Variants in KCNU1 observed in about 807,000 individuals in gnomAD.
The protein encoded by KCNU1 is potassium channel subfamily U member 1.
Under a neutral mutation model 126.8 loss-of-function variants are expected in KCNU1, and 93 were observed. The ratio of observed to expected loss-of-function variants is 0.73; its 90% CI spans 0.62 to 0.87. The LOEUF (loss-of-function observed/expected upper bound fraction) is 0.87, where lower values mean the gene tolerates loss of function less well. KCNU1 is among the 40% of genes least tolerant of loss of function. The probability of loss-of-function intolerance (pLI) is 0.00; values close to 1 mark genes in which losing one functional copy is unlikely to be tolerated. For synonymous variants in KCNU1, 523 were observed against 494.2 expected (o/e 1.06, Z -0.77); for missense variants, 1,330 against 1,367.1 (o/e 0.97, Z 0.43).
chr8:36,893,156 T>G (rs1000553970), intron 19 of KCNU1, among the ~76,000 whole-genome samples: 3 of 146,492 alleles, frequency 2.0e-5, no homozygotes, highest in Non-Finnish European at 4.5e-5. Flanking sequence ...TTTTTTTTTG[T>G]AAAGATGAGG....
At chr8:36,910,361 A>T (rs531916906) in intron 21 of KCNU1, among the ~76,000 whole-genome samples, 9 of 152,284 alleles carry the variant, frequency 5.9e-5, no homozygotes, top group Non-Finnish European at 1.0e-4. Flanking sequence ...GCTTAAGTCC[A>T]TTGAAAGGAA....
At chr8:36,893,091 A>G (rs1807034855) in intron 19 of KCNU1, among the ~76,000 whole-genome samples, 1 of 151,866 alleles carries the variant, frequency 6.6e-6, no homozygotes, top group Admixed American at 6.6e-5. Context: ...CCTCTCAAGT[A>G]GCTGTTATTA....
rs185998730 is a variant in KCNU1 at position 36,850,590 on chromosome 8, G to T, written c.1891+4691G>T. On this transcript the variant is annotated intron_variant, in intron 18 of 26. Coordinates refer to ENST00000399881, the MANE Select transcript of KCNU1 (RefSeq NM_001031836.3). ...TCCTGCCTCAGCCTCCAAAGTAACT[G>T]GGACCACAGGTGCCCACAACTATGC... Among the ~76,000 whole-genome samples the T allele has an allele frequency of 7.3e-3, 1,104 of 152,018 alleles. 55 individuals carry two copies. The highest frequency in any genetic ancestry group is 0.06 in the Admixed American group (917 of 15,252).
At chr8:36,794,104 T>C (rs1219136446) in intron 2 of KCNU1, among the ~76,000 whole-genome samples, 1 of 136,832 alleles carries the variant, frequency 7.3e-6, no homozygotes, top group Non-Finnish European at 1.6e-5. Context: ...CAATAAATAA[T>C]ATAGTCACCT....
At chr8:36,879,896 T>C (rs914757167) in intron 19 of KCNU1, among the ~76,000 whole-genome samples, 58 of 152,284 alleles carry the variant, frequency 3.8e-4, no homozygotes, top group African/African-American at 1.3e-3. Context: ...GAAACTTAGA[T>C]GTTATTCACT....
chr8:36,909,907 C>A (rs1339670898), intron 21 of KCNU1, among the ~76,000 whole-genome samples: 1 of 152,178 alleles, frequency 6.6e-6, no homozygotes, highest in Non-Finnish European at 1.5e-5. Flanking sequence ...TTAATGGCTA[C>A]ACCTAAGCTA....
chr8:36,910,313 T>C lies in KCNU1; in HGVS notation c.2332-617T>C, dbSNP rs572610367. 2.6e-5 allele frequency among the ~76,000 whole-genome samples: 4 copies of C among 152,296 alleles called. No homozygotes were observed. The South Asian group carries it at 6.2e-4, about 24-fold the overall frequency. ...AAGAAGCAAATTGCATTTGCTTTTT[T>C]AAAAAGCCACTGTAAGTTTCCCTGT... On this transcript the variant is annotated intron_variant, in intron 21 of 26. Coordinates refer to ENST00000399881, the MANE Select transcript of KCNU1 (RefSeq NM_001031836.3).
intron 22 of KCNU1, among the ~76,000 whole-genome samples, chr8:36,915,140 T>G (rs1808048253): frequency 6.6e-6 from 1 of 152,158 alleles, no homozygotes; most frequent in South Asian, 2.1e-4. Flanking sequence ...ATATTTCAAG[T>G]CCTTTATTAG....
chr8:36,879,203 G>GTT (rs1806377908), intron 19 of KCNU1, among the ~76,000 whole-genome samples: 1 of 61,728 alleles, frequency 1.6e-5, no homozygotes, highest in South Asian at 5.2e-4. Context: ...GTGTGTGTGT[G>GTT]TGTGTGTGTA....
At chr8:36,808,611 T>C in intron 6 of KCNU1, 107 bp from the exon 7 acceptor site, 2 of 711,622 alleles carry the variant, frequency 2.8e-6, no homozygotes, top group Non-Finnish European at 5.0e-6. Context: ...ATGCCGTTCC[T>C]TCTGGTCCAT....
chr8:36,801,236 A>T (rs1280104416), intron 2 of KCNU1, among the ~76,000 whole-genome samples: 1 of 152,162 alleles, frequency 6.6e-6, no homozygotes, highest in African/African-American at 2.4e-5. Flanking sequence ...ATTAGTTGTA[A>T]ATTCCTCAGT....
Position 36,933,035 on chromosome 8 carries a change from G to A in KCNU1, c.3044+3G>A, listed in dbSNP as rs767263233. The A allele has an allele frequency of 1.5e-5, 23 of 1,507,770 alleles. No homozygotes were observed. The highest frequency in any genetic ancestry group is 2.0e-5 in the Non-Finnish European group (22 of 1,105,654). 93.4% of individuals were successfully genotyped at this position (1,507,770 alleles called of 1,614,324 possible). On this transcript the variant is annotated splice_donor_region_variant and intron_variant, in intron 26 of 26. Coordinates refer to ENST00000399881, the MANE Select transcript of KCNU1 (RefSeq NM_001031836.3). ...GAGCTCAACCCAGAAAACAAAAGGGGAGTGTGCTAGATTGGAAAGCACCAT... is the reference window on the plus strand; with the variant it reads ...GAGCTCAACCCAGAAAACAAAAGGGAAGTGTGCTAGATTGGAAAGCACCAT...
In KCNU1 at chr8:36,805,181, T is replaced by C; in HGVS notation, c.378-14T>C. ...AATGTTGATCTTCACAAACTGTCCT[T>C]CTTTCTTTTCCAGCCCTGTTGGAAG... On this transcript the variant is annotated splice_polypyrimidine_tract_variant and intron_variant, in intron 3 of 26. Transcript: ENST00000399881. The C allele has an allele frequency of 6.3e-7, 1 of 1,590,146 alleles. No homozygotes were observed. Among genetic ancestry groups the C allele is most frequent in the Non-Finnish European group, 8.6e-7 (1 of 1,161,082 alleles).
rs182201815 is a variant in KCNU1, at chr8:36,805,994, C to T, written c.469-275C>T. On this transcript the variant is annotated intron_variant, in intron 4 of 26. Transcript: ENST00000399881. ...GGGTAGCTGGGATTACAGGCAGCTGCAACCACGTGCAGCTAATCTTTATAT... is the reference window on the plus strand; with the variant it reads ...GGGTAGCTGGGATTACAGGCAGCTGTAACCACGTGCAGCTAATCTTTATAT... Among the ~76,000 whole-genome samples the T allele has an allele frequency of 2.0e-5, 3 of 152,268 alleles. No individual in the cohort carries two copies. The East Asian group carries it at 5.8e-4, about 29-fold the overall frequency.
chr8:36,815,444 G>A (rs575255946), intron 8 of KCNU1, among the ~76,000 whole-genome samples, 152 bp from the exon 9 acceptor site: 16 of 152,136 alleles, frequency 1.1e-4, no homozygotes, highest in Non-Finnish European at 1.9e-4. Flanking sequence ...GCTGAAATAA[G>A]GAAGAAAAAC....
chr8:36,835,543 G>T (rs1804717340), intron 12 of KCNU1, among the ~76,000 whole-genome samples: 2 of 152,028 alleles, frequency 1.3e-5, no homozygotes, highest in African/African-American at 2.4e-5. Context: ...GTTTTACCAT[G>T]TTGGTCAGGC....
chr8:36,824,261 G>T (rs1354889556), intron 10 of KCNU1, among the ~76,000 whole-genome samples: 1 of 152,112 alleles, frequency 6.6e-6, no homozygotes, highest in Non-Finnish European at 1.5e-5. Flanking sequence ...CTCCTTATCT[G>T]CAGTTTTTCT....
intron 24 of KCNU1, among the ~76,000 whole-genome samples, chr8:36,924,468 C>T (rs530007964): frequency 1.3e-5 from 2 of 152,306 alleles, no homozygotes; most frequent in African/African-American, 4.8e-5. Context: ...GGCTCTGCCT[C>T]TTTAAGCCGT....
chr8:36,907,920 T>C (rs902751006), intron 20 of KCNU1, among the ~76,000 whole-genome samples: 1 of 152,214 alleles, frequency 6.6e-6, no homozygotes, highest in Non-Finnish European at 1.5e-5. Flanking sequence ...TGAACAACTT[T>C]TAGTGAGTTA....
Sources: allele counts gnomAD v4.1 joint callset (sites outside exome capture counted in the v4.1 genomes callset), GRCh38; gene constraint gnomAD v4.1.1; transcripts MANE v1.5; gene names NCBI Gene and HGNC (gene_info 2026-07-23, HGNC 2026-07-21).